The following SCGB2B2 variants were observed in gnomAD, a reference collection of about 807,000 sequenced individuals.
The protein encoded by SCGB2B2 is secretoglobin family 2B member 2, also known as secretoglobin-like protein.
SCGB2B2 carries 11 observed loss-of-function variants against 7.6 expected under a neutral mutation model. That is an observed-to-expected ratio of 1.45 (90% CI 0.91 to 2.40). SCGB2B2 has a LOEUF of 2.40. Among genes scored for constraint, SCGB2B2 ranks in the 30% most tolerant of loss-of-function variants. The probability of loss-of-function intolerance (pLI) is 0.00; values close to 1 mark genes in which losing one functional copy is unlikely to be tolerated. For synonymous variants in SCGB2B2, 50 were observed against 48.6 expected, an observed-to-expected ratio of 1.03 and a Z score of -0.12; for missense variants, 104 against 115.4, an observed-to-expected ratio of 0.90 and a Z score of 0.45.
intron 1 of SCGB2B2, among the ~76,000 whole-genome samples, chr19:34,621,764 AG>A (rs1462420120): frequency 6.6e-6 from 1 of 152,196 alleles, no homozygotes; most frequent in African/African-American, 2.4e-5. Flanking sequence ...AGAGGCCAAA[AG>A]TCTGACTGTA....
Position 34,592,037 on chromosome 19 carries a change from G to A in SCGB2B2, c.*1518C>T, listed in dbSNP as rs1241012796. Among the ~76,000 whole-genome samples the A allele has an allele frequency of 6.6e-6, 1 of 152,182 alleles. No homozygotes were observed. The highest frequency in any genetic ancestry group is 1.9e-4 in the East Asian group (1 of 5,194). ...CACTTCTTCCCTGGCTGAGTGGATG[G>A]GTGATGACTGGGATGGAAAGTGCAT... On this transcript the variant is annotated 3_prime_UTR_variant, in exon 4 of 4. Coordinates refer to ENST00000601241, the MANE Select transcript of SCGB2B2 (RefSeq NM_001025591.4).
At chr19:34,600,297 T>C (rs2065587780) in intron 1 of SCGB2B2, among the ~76,000 whole-genome samples, 1 of 152,246 alleles carries the variant, frequency 6.6e-6, no homozygotes, top group African/African-American at 2.4e-5. Flanking sequence ...GTTATCTCCA[T>C]TGTTTAAGTC....
chr19:34,606,517 C>CTTTT (rs36092902), intron 1 of SCGB2B2, among the ~76,000 whole-genome samples: 1 of 143,006 alleles, frequency 7.0e-6, no homozygotes. Context: ...TTTTCTTTTT[C>CTTTT]TTTTTTTTTT....
intron 1 of SCGB2B2, among the ~76,000 whole-genome samples, chr19:34,602,560 G>C (rs958628276): frequency 6.6e-6 from 1 of 152,068 alleles, no homozygotes; most frequent in Non-Finnish European, 1.5e-5. Flanking sequence ...TTTTTTTGTG[G>C]GTTGATATAT....
intron 1 of SCGB2B2, among the ~76,000 whole-genome samples, chr19:34,604,142 A>T (rs1344064440): frequency 2.0e-5 from 3 of 151,932 alleles, no homozygotes; most frequent in Non-Finnish European, 2.9e-5. Flanking sequence ...TAATCATGTC[A>T]TCATTCAGTG....
chr19:34,663,183 G>A (rs116306713), intron 1 of SCGB2B2, among the ~76,000 whole-genome samples: 3,001 of 152,284 alleles, frequency 0.02, 103 homozygotes, highest in African/African-American at 0.066. Context: ...TGTGGCTGGG[G>A]GTGTGCATTG....
intron 1 of SCGB2B2, among the ~76,000 whole-genome samples, chr19:34,639,392 A>G (rs2066779004): frequency 6.6e-6 from 1 of 152,300 alleles, no homozygotes; most frequent in Non-Finnish European, 1.5e-5. Context: ...CCTAATCACT[A>G]CCAAATATAG....
intron 1 of SCGB2B2, among the ~76,000 whole-genome samples, chr19:34,644,362 G>GTTTTTTTTTTTTTT (rs75799133): frequency 1.5e-5 from 2 of 134,340 alleles, no homozygotes; most frequent in Non-Finnish European, 1.6e-5. Flanking sequence ...TTTTTTTTTT[G>GTTTTTTTTTTTTTT]TTTTTTTTTT....
chr19:34,613,974 TG>T (rs2066002615), intron 1 of SCGB2B2, among the ~76,000 whole-genome samples: 1 of 152,250 alleles, frequency 6.6e-6, no homozygotes, highest in Non-Finnish European at 1.5e-5. Context: ...GTAAAGTTTC[TG>T]TGAAGAAAAT....
intron 1 of SCGB2B2, among the ~76,000 whole-genome samples, chr19:34,634,621 G>C (rs570187068): frequency 6.6e-6 from 1 of 152,124 alleles, no homozygotes; most frequent in Non-Finnish European, 1.5e-5. Context: ...TCCTCCCTGC[G>C]TTCCAAGGCC....
At chr19:34,668,416 C>CA (rs1373239041) in intron 1 of SCGB2B2, among the ~76,000 whole-genome samples, 1 of 152,220 alleles carries the variant, frequency 6.6e-6, no homozygotes, top group African/African-American at 2.4e-5. Flanking sequence ...TGCAGCCTGC[C>CA]AGGCCTGAGC....
chr19:34,647,166 T>TG (rs2067043409), intron 1 of SCGB2B2, among the ~76,000 whole-genome samples: 1 of 152,272 alleles, frequency 6.6e-6, no homozygotes, highest in East Asian at 1.9e-4. Flanking sequence ...CATGAAGCCA[T>TG]GGGGGTCTCT....
intron 1 of SCGB2B2, among the ~76,000 whole-genome samples, chr19:34,638,499 CAACAAAAACAAA>C (rs966893410): frequency 4.0e-5 from 6 of 149,752 alleles, no homozygotes; most frequent in African/African-American, 1.5e-4. Flanking sequence ...ACAATGACAA[CAACAAAAACAAA>C]AACAAAAACA....
At chr19:34,623,714 A>T (rs1600053410) in intron 1 of SCGB2B2, among the ~76,000 whole-genome samples, 1 of 151,978 alleles carries the variant, frequency 6.6e-6, no homozygotes, top group Non-Finnish European at 1.5e-5. Flanking sequence ...GAGTGTCTTG[A>T]CTCTGTCCCT....
downstream of SCGB2B2, among the ~76,000 whole-genome samples, chr19:34,589,135 AG>A (rs1008749150): frequency 2.6e-5 from 4 of 152,120 alleles, no homozygotes; most frequent in African/African-American, 7.2e-5. Context: ...GCAATGACTT[AG>A]GGGTTGGAGG....
At chr19:34,626,230 C>T (rs2066372993) in intron 1 of SCGB2B2, among the ~76,000 whole-genome samples, 2 of 152,204 alleles carry the variant, frequency 1.3e-5, no homozygotes, top group South Asian at 2.1e-4. Context: ...TGAAGCTCCT[C>T]TCCAGCAACG....
At chr19:34,613,344 C>A (rs1211313315) in intron 1 of SCGB2B2, among the ~76,000 whole-genome samples, 2 of 151,768 alleles carry the variant, frequency 1.3e-5, no homozygotes, top group African/African-American at 4.8e-5. Context: ...AGTGATCTGT[C>A]CCCCTTGGCC....
In SCGB2B2 at chr19:34,594,726, A is replaced by G. The variant is rs1283537480; in HGVS notation, c.-163T>C. The G allele has an allele frequency of 4.3e-6, 3 of 691,516 alleles. No individual in the cohort carries two copies. The highest frequency in any genetic ancestry group is 1.8e-5 in the African/African-American group (1 of 56,738). The allele number at this position is 691,516 out of a possible 1,614,324, so 42.8% of individuals were successfully genotyped here. ...GTGAATGTGGTCAGGGCAGGTCTGCAGAGAGACCCTCGGCCCTGGGCCATG... is the reference window on the plus strand; with the variant it reads ...GTGAATGTGGTCAGGGCAGGTCTGCGGAGAGACCCTCGGCCCTGGGCCATG... On this transcript the variant is annotated 5_prime_UTR_variant, in exon 2 of 4. Transcript: ENST00000601241.
intron 1 of SCGB2B2, among the ~76,000 whole-genome samples, chr19:34,644,362 G>T (rs28615801): frequency 3.0e-3 from 404 of 134,130 alleles, no homozygotes; most frequent in African/African-American, 6.2e-3. Context: ...TTTTTTTTTT[G>T]TTTTTTTTTT....
Sources: allele counts gnomAD v4.1 joint callset (sites outside exome capture counted in the v4.1 genomes callset), GRCh38; gene constraint gnomAD v4.1.1; transcripts MANE v1.5; gene names NCBI Gene and HGNC (gene_info 2026-07-23, HGNC 2026-07-21).